Variants in CNBD1 observed in about 807,000 individuals in gnomAD.
CNBD1 encodes the protein cyclic nucleotide-binding domain-containing protein 1.
In CNBD1, 71 loss-of-function variants were observed where a neutral mutation model predicts 54.4. The observed-to-expected ratio is 1.30, with a 90% confidence interval of 1.08 to 1.59. The LOEUF is 1.59. Among genes scored for constraint, CNBD1 ranks in the 40% most tolerant of loss-of-function variants. The probability of loss-of-function intolerance (pLI) is 0.00; values close to 1 mark genes in which losing one functional copy is unlikely to be tolerated. For synonymous variants in CNBD1, 182 were observed against 170.7 expected, an observed-to-expected ratio of 1.07 and a Z score of -0.51; for missense variants, 659 against 518.0, an observed-to-expected ratio of 1.27 and a Z score of -2.64.
intron 8 of CNBD1, among the ~76,000 whole-genome samples, chr8:87,312,720 A>G (rs368627175): frequency 8.5e-5 from 13 of 152,118 alleles, no homozygotes; most frequent in Non-Finnish European, 1.8e-4. Context: ...TTTTTTAAAA[A>G]ACAAATCTAG....
intron 8 of CNBD1, among the ~76,000 whole-genome samples, chr8:87,309,256 C>A (rs1399279770): frequency 6.6e-6 from 1 of 152,072 alleles, no homozygotes; most frequent in African/African-American, 2.4e-5. Context: ...TGTTAATTGT[C>A]TTTTTGTAAT....
At chr8:87,406,505 A>T (rs1431937400) in intron 2 of CNBD1, among the ~76,000 whole-genome samples, 2 of 145,970 alleles carry the variant, frequency 1.4e-5, no homozygotes, top group Admixed American at 1.4e-4. Context: ...TTTGAGACAG[A>T]ATCTGGCTCT....
At chr8:87,263,825 C>T (rs1157157064) in intron 6 of CNBD1, among the ~76,000 whole-genome samples, 1 of 151,958 alleles carries the variant, frequency 6.6e-6, no homozygotes, top group Non-Finnish European at 1.5e-5. Context: ...AAAACATTAG[C>T]AGGCAACAGA....
intron 2 of CNBD1, among the ~76,000 whole-genome samples, chr8:87,425,383 A>C (rs905415515): frequency 1.1e-4 from 17 of 152,114 alleles, no homozygotes; most frequent in Non-Finnish European, 2.2e-4. Context: ...CCTTTGGAGG[A>C]GGAGAGGCGC....
At chr8:87,128,352 A>G (rs1414611012) in intron 4 of CNBD1, among the ~76,000 whole-genome samples, 1 of 152,130 alleles carries the variant, frequency 6.6e-6, no homozygotes, top group Non-Finnish European at 1.5e-5. Flanking sequence ...ATAGGGCTGG[A>G]GCTCAGGGGC....
At chr8:87,302,589 CCT>C (rs1355018072) in intron 8 of CNBD1, among the ~76,000 whole-genome samples, 5 of 151,786 alleles carry the variant, frequency 3.3e-5, no homozygotes, top group African/African-American at 1.2e-4. Context: ...ACAGGGATGC[CCT>C]CTCTCACCAC....
At chr8:86,991,527 G>A (rs1246545004) in intron 4 of CNBD1, among the ~76,000 whole-genome samples, 1 of 151,930 alleles carries the variant, frequency 6.6e-6, no homozygotes, top group Non-Finnish European at 1.5e-5. Context: ...TTCTTTTCCA[G>A]TTTTAGTTAT....
chr8:87,200,634 C>T (rs1813840285), intron 4 of CNBD1, among the ~76,000 whole-genome samples: 1 of 151,968 alleles, frequency 6.6e-6, no homozygotes, highest in African/African-American at 2.4e-5. Context: ...CTGTAATAAA[C>T]CGTATGCTAA....
In CNBD1 at chr8:87,284,697, T is replaced by C. The variant is rs372521927; in HGVS notation, c.791T>C (p.Phe264Ser). 34 of 1,606,820 alleles carry C rather than the reference T, an allele frequency of 2.1e-5. No homozygotes were observed. In the African/African-American group the frequency reaches 4.5e-4, roughly 21 times the overall value. ...YDSMLSKWST[F>S]GTLEVMPQNE... ...TTACAGCTTAGCAAATGGAGTACCT[T>C]TGGGACTCTGGAAGTTATGCCTCAG... is the stretch of plus-strand genomic sequence containing the variant. The change falls in exon 7 of 11, where the codon TTT becomes TCT. Residue 264 changes from phenylalanine to serine, a missense_variant. Coordinates refer to ENST00000518476, the MANE Select transcript of CNBD1 (RefSeq NM_173538.3).
intron 2 of CNBD1, among the ~76,000 whole-genome samples, chr8:87,388,148 G>A (rs1811230364): frequency 6.6e-6 from 1 of 152,162 alleles, no homozygotes; most frequent in Non-Finnish European, 1.5e-5. Context: ...ACAAGAGAAA[G>A]AAGGAAAGAT....
chr8:86,974,720 ATAT>A (rs1271444873), intron 4 of CNBD1, among the ~76,000 whole-genome samples: 6 of 152,126 alleles, frequency 3.9e-5, no homozygotes, highest in South Asian at 2.1e-4. Context: ...ACCAAATATA[ATAT>A]TATTTAGGAA....
At chr8:86,986,258 A>T (rs1245018188) in intron 4 of CNBD1, among the ~76,000 whole-genome samples, 2 of 152,106 alleles carry the variant, frequency 1.3e-5, no homozygotes, top group Non-Finnish European at 2.9e-5. Context: ...TATTTCTCTG[A>T]CAATTAGTGA....
chr8:87,344,221 T>C (rs1037969573), intron 8 of CNBD1, among the ~76,000 whole-genome samples: 1 of 152,042 alleles, frequency 6.6e-6, no homozygotes, highest in African/African-American at 2.4e-5. Flanking sequence ...GAAATATCAA[T>C]AGGAAGAAAA....
At chr8:87,066,668 C>T (rs1218466012) in intron 4 of CNBD1, among the ~76,000 whole-genome samples, 1 of 151,790 alleles carries the variant, frequency 6.6e-6, no homozygotes, top group Non-Finnish European at 1.5e-5. Flanking sequence ...AGGTGTTATA[C>T]ACATTGTTCT....
chr8:87,000,110 A>G (rs1808961870), intron 4 of CNBD1, among the ~76,000 whole-genome samples: 1 of 152,168 alleles, frequency 6.6e-6, no homozygotes, highest in African/African-American at 2.4e-5. Context: ...GTCCCCATCC[A>G]AATCTTGTCT....
intron 4 of CNBD1, among the ~76,000 whole-genome samples, chr8:87,014,379 C>G (rs61127143): frequency 6.6e-6 from 1 of 151,644 alleles, no homozygotes; most frequent in Non-Finnish European, 1.5e-5. Context: ...CAGCCCAAGA[C>G]AGAATGATCT....
intron 6 of CNBD1, among the ~76,000 whole-genome samples, chr8:87,270,491 G>A (rs1253029083): frequency 2.0e-5 from 3 of 151,830 alleles, no homozygotes; most frequent in Non-Finnish European, 2.9e-5. Context: ...TGAGAAAAAT[G>A]GAACACTTAT....
At chr8:87,089,415 A>G (rs1228957530) in intron 4 of CNBD1, among the ~76,000 whole-genome samples, 1 of 152,156 alleles carries the variant, frequency 6.6e-6, no homozygotes, top group Non-Finnish European at 1.5e-5. Context: ...CAAGCAAGAG[A>G]TAATAAATTC....
chr8:86,915,187 T>A (rs1427277150), intron 3 of CNBD1, among the ~76,000 whole-genome samples: 2 of 152,070 alleles, frequency 1.3e-5, no homozygotes, highest in African/African-American at 2.4e-5. Context: ...GAAATGGTCC[T>A]CCTGTGTGCT....
Sources: allele counts gnomAD v4.1 joint callset (sites outside exome capture counted in the v4.1 genomes callset), GRCh38; gene constraint gnomAD v4.1.1; transcripts MANE v1.5; gene names NCBI Gene and HGNC (gene_info 2026-07-23, HGNC 2026-07-21).